The following IFT80 variants were observed in gnomAD, a reference collection of about 807,000 sequenced individuals.
IFT80 encodes intraflagellar transport 80, also known as intraflagellar transport protein 80 homolog.
Under a neutral mutation model 107.9 loss-of-function variants are expected in IFT80, and 79 were observed. That is an observed-to-expected ratio of 0.73 (90% CI 0.61 to 0.88). The LOEUF is 0.88. Among genes scored for constraint, IFT80 ranks in the 40% least tolerant of loss-of-function variants. The pLI is 0.00. For missense variants in IFT80, 797 were observed against 914.2 expected, an observed-to-expected ratio of 0.87 and a Z score of 1.65; for synonymous variants, 299 against 300.9, an observed-to-expected ratio of 0.99 and a Z score of 0.07.
intron 18 of IFT80, among the ~76,000 whole-genome samples, chr3:160,275,239 A>G (rs868657031): frequency 2.6e-5 from 4 of 152,192 alleles, no homozygotes; most frequent in Admixed American, 6.5e-5. Flanking sequence ...CCCACTAAAC[A>G]TTAGTATGTG....
At chr3:160,323,914 C>G (rs950943459) in intron 8 of IFT80, among the ~76,000 whole-genome samples, 2 of 151,848 alleles carry the variant, frequency 1.3e-5, no homozygotes, top group African/African-American at 2.4e-5. Flanking sequence ...AGAGAAGAAT[C>G]AAATAGATAC....
rs1714118132 is a variant in IFT80, at chr3:160,398,966, TA to T, written c.-47+179del. 2.6e-5 allele frequency among the ~76,000 whole-genome samples: 4 copies of T among 152,208 alleles called. No individual in the cohort carries two copies. The South Asian group carries it at 8.3e-4, about 32-fold the overall frequency. On this transcript the variant is annotated intron_variant, in intron 1 of 19. Coordinates refer to ENST00000326448, the MANE Select transcript of IFT80 (RefSeq NM_020800.3). ...TCTTCCAGTTGTCTCTCTACTCCCT[TA>T]AAATTTAGGGCTTCCTCCTTCGCAT...
intron 8 of IFT80, chr3:160,343,732 C>A: frequency 3.6e-6 from 1 of 281,460 alleles, no homozygotes; most frequent in Non-Finnish European, 7.1e-6. Flanking sequence ...TCTCCTTCGC[C>A]CAGCTTAATT....
intron 8 of IFT80, among the ~76,000 whole-genome samples, chr3:160,328,619 C>T (rs1024174172): frequency 4.0e-5 from 6 of 151,860 alleles, no homozygotes; most frequent in African/African-American, 2.4e-5. Flanking sequence ...AACTATCATT[C>T]GGCCCAGTGA....
Position 160,380,189 on chromosome 3 carries a change from T to C in IFT80, c.259+1314A>G, listed in dbSNP as rs1299409931. ...CTGGGACTATAGGCATGTGCCACCA[T>C]GCCTAGCTAAAATTTTTTTGTATTT... is the stretch of plus-strand genomic sequence containing the variant. On this transcript the variant is annotated intron_variant, in intron 3 of 19. Coordinates refer to ENST00000326448, the MANE Select transcript of IFT80 (RefSeq NM_020800.3). Among the ~76,000 whole-genome samples the C allele has an allele frequency of 9.9e-5, 15 of 152,062 alleles. No individual in the cohort carries two copies. The East Asian group carries it at 2.7e-3, about 27-fold the overall frequency.
At chr3:160,268,748 C>T in intron 18 of IFT80, 1 of 529,290 alleles carries the variant, frequency 1.9e-6, no homozygotes, top group South Asian at 2.1e-5. Context: ...ACCAGCTCTT[C>T]TTGTAGAAAT....
intron 18 of IFT80, among the ~76,000 whole-genome samples, chr3:160,270,100 A>C (rs1202009400): frequency 2.0e-5 from 3 of 152,208 alleles, no homozygotes; most frequent in Admixed American, 6.5e-5. Flanking sequence ...GCCAGGGTTC[A>C]AGCAATTCTT....
chr3:160,330,784 T>C (rs1719036008), intron 8 of IFT80, among the ~76,000 whole-genome samples: 1 of 152,146 alleles, frequency 6.6e-6, no homozygotes, highest in South Asian at 2.1e-4. Flanking sequence ...AACTAATGGC[T>C]AATTCTCATC....
intron 3 of IFT80, among the ~76,000 whole-genome samples, chr3:160,379,063 T>C (rs957484995): frequency 6.6e-6 from 1 of 152,192 alleles, no homozygotes; most frequent in Non-Finnish European, 1.5e-5. Flanking sequence ...TTAATGAACA[T>C]GAACTTATTA....
chr3:160,354,307 TG>T (rs1345853633), intron 8 of IFT80, among the ~76,000 whole-genome samples: 73 of 152,018 alleles, frequency 4.8e-4, no homozygotes, highest in Non-Finnish European at 8.5e-4. Flanking sequence ...TTAGAGTCAA[TG>T]GAAGGCATGA....
In IFT80 at chr3:160,390,316, C is replaced by G. The variant is rs568264765; in HGVS notation, c.-46-5670G>C. On this transcript the variant is annotated intron_variant, in intron 1 of 19. Coordinates refer to ENST00000326448, the MANE Select transcript of IFT80 (RefSeq NM_020800.3). ...CCTATAATCCCTGCTACTCAGGAAG[C>G]TGAGGCAGGAGAATCGCTTGAACCC... 1.2e-4 allele frequency among the ~76,000 whole-genome samples: 18 copies of G among 151,852 alleles called. No homozygotes were observed. The South Asian group carries it at 3.5e-3, about 30-fold the overall frequency.
chr3:160,312,943 AAATATATATTATAT>A (rs1717488993), intron 9 of IFT80, among the ~76,000 whole-genome samples: 1 of 46,330 alleles, frequency 2.2e-5, no homozygotes, highest in African/African-American at 1.2e-4. Flanking sequence ...AATATATAAT[AAATATATATTATAT>A]ATAAATATAT....
chr3:160,268,590 G>A (rs2108210156), intron 18 of IFT80, 54 bp from the exon 19 acceptor site: 1 of 1,554,234 alleles, frequency 6.4e-7, no homozygotes, highest in Non-Finnish European at 8.9e-7. Context: ...GACTCCATGA[G>A]TAGTAGAGTT....
chr3:160,265,937 A>AT lies in IFT80; in HGVS notation c.2223+2475_2223+2476insA, dbSNP rs1713280151. Among the ~76,000 whole-genome samples, 5 of 152,208 alleles carry AT rather than the reference A, an allele frequency of 3.3e-5. 1 individual carries two copies. In the South Asian group the frequency reaches 1.0e-3, roughly 31 times the overall value. ...TATATTATGACTAGATTATAGACTT[A>AT]AATGAAACCAAAAGGTCAGCAAGTA... On this transcript the variant is annotated intron_variant, in intron 19 of 19. Transcript: ENST00000326448.
chr3:160,348,244 C>A (rs2108347653), intron 8 of IFT80, among the ~76,000 whole-genome samples: 1 of 152,202 alleles, frequency 6.6e-6, no homozygotes, highest in Non-Finnish European at 1.5e-5. Context: ...ATTTCTTGAA[C>A]AATGAAATTC....
At chr3:160,265,697 C>T (rs1383546253) in intron 19 of IFT80, among the ~76,000 whole-genome samples, 1 of 152,146 alleles carries the variant, frequency 6.6e-6, no homozygotes, top group Non-Finnish European at 1.5e-5. Context: ...GGCTCATAAA[C>T]TAAGTGTCTA....
At chr3:160,266,666 G>A (rs532386277) in intron 19 of IFT80, among the ~76,000 whole-genome samples, 2 of 152,148 alleles carry the variant, frequency 1.3e-5, no homozygotes, top group Non-Finnish European at 2.9e-5. Context: ...TTATAGGCTT[G>A]AGCCACCACA....
intron 5 of IFT80, among the ~76,000 whole-genome samples, chr3:160,373,039 A>G (rs1711652557): frequency 6.6e-6 from 1 of 152,130 alleles, no homozygotes; most frequent in Non-Finnish European, 1.5e-5. Context: ...GGATTAGGCA[A>G]TAGCTTCATC....
chr3:160,368,145 A>G (rs988543627), intron 5 of IFT80, among the ~76,000 whole-genome samples: 5 of 151,914 alleles, frequency 3.3e-5, no homozygotes, highest in Admixed American at 2.0e-4. Flanking sequence ...GTGGGCAATC[A>G]ATAAAATTTA....
Sources: gnomAD v4.1 joint callset for allele counts (sites outside exome capture counted in the v4.1 genomes callset) on GRCh38, gnomAD v4.1.1 for gene constraint, MANE v1.5 for transcripts, NCBI Gene and HGNC (gene_info 2026-07-23, HGNC 2026-07-21) for gene names.